PTPRD: variants seen among roughly 807,000 people sequenced by gnomAD.
PTPRD encodes the protein protein tyrosine phosphatase receptor type D, also known as receptor-type tyrosine-protein phosphatase delta.
Under a neutral mutation model 214.5 loss-of-function variants are expected in PTPRD, and 34 were observed. That is an observed-to-expected ratio of 0.16 (90% CI 0.12 to 0.21). The LOEUF is 0.21. Ranked by LOEUF, PTPRD falls within the 10% of genes least tolerant of loss-of-function variation. The pLI is 1.00. For synonymous variants in PTPRD, 1,128 were observed against 845.7 expected (o/e 1.33, Z -5.79); for missense variants, 2,545 against 2,398.7 (o/e 1.06, Z -1.27).
chr9:9,464,697 T>C (rs2093983831), intron 8 of PTPRD, among the ~76,000 whole-genome samples: 1 of 152,180 alleles, frequency 6.6e-6, no homozygotes, highest in Non-Finnish European at 1.5e-5. Context: ...GGAATCACAT[T>C]ATCCAGTCAA....
At chr9:10,023,266 C>A (rs1423225602) in intron 4 of PTPRD, among the ~76,000 whole-genome samples, 2 of 152,096 alleles carry the variant, frequency 1.3e-5, no homozygotes, top group South Asian at 4.1e-4. Flanking sequence ...TAACAGACAA[C>A]AATTTATCTT....
intron 4 of PTPRD, among the ~76,000 whole-genome samples, chr9:9,969,286 G>T (rs1470567236): frequency 6.6e-6 from 1 of 152,224 alleles, no homozygotes; most frequent in South Asian, 2.1e-4. Flanking sequence ...AGATGAAGCT[G>T]AACACTAGCA....
chr9:8,941,915 C>A (rs1052848228), intron 11 of PTPRD, among the ~76,000 whole-genome samples: 2 of 152,194 alleles, frequency 1.3e-5, no homozygotes, highest in African/African-American at 4.8e-5. Flanking sequence ...AAGCGATTCT[C>A]TTGCCTCAGC....
chr9:9,913,620 T>A (rs2079852548), intron 5 of PTPRD, among the ~76,000 whole-genome samples: 1 of 152,044 alleles, frequency 6.6e-6, no homozygotes, highest in African/African-American at 2.4e-5. Context: ...CCAACCCTGA[T>A]CTAATTTGCT....
In PTPRD at chr9:8,338,814, T is replaced by C. The variant is rs58119872; in HGVS notation, c.5379+108A>G. The stretch of plus-strand genomic sequence containing the variant: ...GTTCTCCAGAATGAATGATTTCTCT[T>C]TGGGACAACAGTCAAGTGGCAAGTG... On this transcript the variant is annotated intron_variant, in intron 43 of 45. Transcript: ENST00000381196. The C allele has an allele frequency of 2.5e-3, 2,537 of 1,007,626 alleles. 35 individuals are homozygous for C. The African/African-American group carries it at 0.029, about 12-fold the overall frequency. 62.4% of individuals were successfully genotyped at this position (1,007,626 alleles called of 1,614,324 possible).
chr9:9,841,780 A>G (rs889206818), intron 5 of PTPRD, among the ~76,000 whole-genome samples: 1 of 152,130 alleles, frequency 6.6e-6, no homozygotes, highest in Non-Finnish European at 1.5e-5. Context: ...GTACAAATGC[A>G]TAACCCATAC....
chr9:8,438,426 A>G (rs902629134), intron 34 of PTPRD, among the ~76,000 whole-genome samples: 7 of 152,200 alleles, frequency 4.6e-5, no homozygotes, highest in Admixed American at 2.6e-4. Flanking sequence ...TGTTGGTGAT[A>G]TAATAATGCC....
intron 3 of PTPRD, among the ~76,000 whole-genome samples, chr9:10,183,871 G>T (rs1011084860): frequency 1.3e-5 from 2 of 152,132 alleles, no homozygotes; most frequent in African/African-American, 4.8e-5. Flanking sequence ...GAACCACAAA[G>T]GAGAGATAAC....
chr9:8,936,858 T>A (rs746542659), intron 11 of PTPRD, among the ~76,000 whole-genome samples: 101 of 152,196 alleles, frequency 6.6e-4, no homozygotes, highest in Non-Finnish European at 5.9e-5. Context: ...CAGAATTCAC[T>A]TTGAGATTTA....
At chr9:9,432,919 C>T (rs1464399680) in intron 8 of PTPRD, among the ~76,000 whole-genome samples, 4 of 152,116 alleles carry the variant, frequency 2.6e-5, no homozygotes, top group Admixed American at 2.6e-4. Flanking sequence ...GAGTTGCAGA[C>T]AATGCTTTAC....
At chr9:9,617,693 G>T (rs1181900957) in intron 7 of PTPRD, among the ~76,000 whole-genome samples, 4 of 152,038 alleles carry the variant, frequency 2.6e-5, no homozygotes, top group Non-Finnish European at 5.9e-5. Context: ...GGTGAAGTAG[G>T]GCCAGTGTAA....
intron 3 of PTPRD, among the ~76,000 whole-genome samples, chr9:10,302,786 G>T (rs968991454): frequency 6.6e-6 from 1 of 152,180 alleles, no homozygotes; most frequent in African/African-American, 2.4e-5. Context: ...TACCTGCAAA[G>T]AGACTTAGAC....
intron 27 of PTPRD, among the ~76,000 whole-genome samples, chr9:8,492,579 G>C (rs1373970814): frequency 7.0e-6 from 1 of 143,644 alleles, no homozygotes; most frequent in African/African-American, 2.6e-5. Flanking sequence ...TTCATCCCCA[G>C]TGCTGGTAAC....
chr9:8,595,246 A>C (rs1045105739), intron 14 of PTPRD, among the ~76,000 whole-genome samples: 2 of 151,770 alleles, frequency 1.3e-5, no homozygotes, highest in African/African-American at 4.8e-5. Flanking sequence ...GCAGACAACC[A>C]AACTATGGCA....
At chr9:10,530,494 C>A (rs1311026938) in intron 2 of PTPRD, among the ~76,000 whole-genome samples, 1 of 152,014 alleles carries the variant, frequency 6.6e-6, no homozygotes, top group African/African-American at 2.4e-5. Flanking sequence ...ACACTTACCA[C>A]GTTTTGAATG....
chr9:9,780,968 T>C (rs535013740), intron 5 of PTPRD, among the ~76,000 whole-genome samples: 1 of 152,326 alleles, frequency 6.6e-6, no homozygotes, highest in East Asian at 1.9e-4. Context: ...AGTGTATGAC[T>C]TTCTGTAATA....
chr9:9,624,425 G>A (rs1245060950), intron 7 of PTPRD, among the ~76,000 whole-genome samples: 1 of 152,056 alleles, frequency 6.6e-6, no homozygotes, highest in Non-Finnish European at 1.5e-5. Flanking sequence ...TGGGATTACA[G>A]GCATATGCCA....
At chr9:10,206,087 C>T (rs973862587) in intron 3 of PTPRD, among the ~76,000 whole-genome samples, 3 of 146,588 alleles carry the variant, frequency 2.0e-5, no homozygotes, top group African/African-American at 7.7e-5. Flanking sequence ...CATCACAGAG[C>T]GCGTGAAGCT....
intron 3 of PTPRD, among the ~76,000 whole-genome samples, chr9:10,049,673 T>C (rs1165029357): frequency 6.6e-6 from 1 of 152,196 alleles, no homozygotes; most frequent in African/African-American, 2.4e-5. Flanking sequence ...TTTATAAGAA[T>C]CTTCAGTAAA....
Sources: allele counts gnomAD v4.1 joint callset (sites outside exome capture counted in the v4.1 genomes callset), GRCh38; gene constraint gnomAD v4.1.1; transcripts MANE v1.5; gene names NCBI Gene and HGNC (gene_info 2026-07-23, HGNC 2026-07-21).